PRELID2: variants seen among roughly 807,000 people sequenced by gnomAD.
PRELID2 encodes the protein PRELI domain containing 2.
In PRELID2, 25 loss-of-function variants were observed where a neutral mutation model predicts 28.4. The observed-to-expected ratio is 0.88, with a 90% CI of 0.64 to 1.23. The LOEUF (loss-of-function observed/expected upper bound fraction) is 1.23. Ranked by LOEUF, PRELID2 falls within the 50% of genes most tolerant of loss-of-function variation. The probability of loss-of-function intolerance (pLI) is 0.00; values close to 1 mark genes in which losing one functional copy is unlikely to be tolerated. For missense variants in PRELID2, 201 were observed against 214.4 expected, an observed-to-expected ratio of 0.94 and a Z score of 0.39; for synonymous variants, 76 against 71.6, an observed-to-expected ratio of 1.06 and a Z score of -0.31.
chr5:145,603,267 G>A (rs1192079447), intron 1 of PRELID2, among the ~76,000 whole-genome samples: 1 of 149,102 alleles, frequency 6.7e-6, no homozygotes. Flanking sequence ...AAAAAGAAAA[G>A]GACATAATTA....
chr5:145,733,655 C>A lies in PRELID2; in HGVS notation n.70+31276G>T, dbSNP rs1052826061. On this transcript the variant is annotated intron_variant and non_coding_transcript_variant, in intron 1 of 2. Coordinates refer to the PRELID2 transcript ENST00000510259. ...TAAAATTTTACACTTAGCCAGCCCA[C>A]ATCTAACTCAAAAGCAATCTTTTTT... 6.6e-5 allele frequency among the ~76,000 whole-genome samples: 10 copies of A among 152,328 alleles called. No individual in the cohort carries two copies. The South Asian group carries it at 2.1e-3, about 32-fold the overall frequency.
chr5:145,833,531 T>C (rs1213418790), intron 1 of PRELID2, among the ~76,000 whole-genome samples: 1 of 152,210 alleles, frequency 6.6e-6, no homozygotes, highest in Non-Finnish European at 1.5e-5. Context: ...TATTCATTGC[T>C]CAGGTTTTTA....
At chr5:145,776,254 T>C (rs1001793459) in intron 5 of PRELID2, among the ~76,000 whole-genome samples, 4 of 152,260 alleles carry the variant, frequency 2.6e-5, no homozygotes, top group African/African-American at 9.6e-5. Context: ...ATATCCACAC[T>C]GTAGACACTG....
At chr5:145,285,975 CAG>C in the PRELID2 span, among the ~76,000 whole-genome samples, 1 of 152,198 alleles carries the variant, frequency 6.6e-6, no homozygotes, top group Non-Finnish European at 1.5e-5. Context: ...TCTGAGCACA[CAG>C]ATTTCAAAAT....
the PRELID2 span, among the ~76,000 whole-genome samples, chr5:145,454,197 G>C: frequency 4.6e-5 from 7 of 152,148 alleles, no homozygotes; most frequent in African/African-American, 1.7e-4. Context: ...GTTTGGATTT[G>C]ATGCAGAAAA....
chr5:145,268,862 T>G, the PRELID2 span, among the ~76,000 whole-genome samples: 1 of 152,060 alleles, frequency 6.6e-6, no homozygotes, highest in Non-Finnish European at 1.5e-5. Flanking sequence ...AAAGTCATTA[T>G]AAAAATCAAT....
At chr5:145,245,575 T>C in the PRELID2 span, among the ~76,000 whole-genome samples, 1 of 151,980 alleles carries the variant, frequency 6.6e-6, no homozygotes, top group Admixed American at 6.6e-5. Context: ...AACTTAAGAG[T>C]GAGAAAAAGA....
chr5:145,393,374 G>C, the PRELID2 span, among the ~76,000 whole-genome samples: 2 of 152,250 alleles, frequency 1.3e-5, no homozygotes, highest in African/African-American at 4.8e-5. Flanking sequence ...GAACTGAGTA[G>C]CCTGGCTTTG....
the PRELID2 span, among the ~76,000 whole-genome samples, chr5:145,314,177 G>A: frequency 2.6e-5 from 4 of 152,202 alleles, no homozygotes; most frequent in Admixed American, 6.5e-5. Flanking sequence ...TTAGCCATGG[G>A]TATGGCTCCA....
At chr5:145,572,844 G>C (rs549953426) in intron 1 of PRELID2, among the ~76,000 whole-genome samples, 145 of 152,086 alleles carry the variant, frequency 9.5e-4, no homozygotes, top group Non-Finnish European at 1.8e-3. Context: ...CTTCACTGAG[G>C]CTGTCTGGAA....
chr5:145,555,484 G>C (rs1428170093), intron 1 of PRELID2, among the ~76,000 whole-genome samples: 1 of 152,176 alleles, frequency 6.6e-6, no homozygotes, highest in Non-Finnish European at 1.5e-5. Context: ...GCCTAAAGTA[G>C]TTTTACTACA....
At chr5:145,501,459 T>G (rs1383376691) in intron 1 of PRELID2, among the ~76,000 whole-genome samples, 3 of 152,140 alleles carry the variant, frequency 2.0e-5, no homozygotes, top group African/African-American at 7.2e-5. Context: ...TCTCATGTGT[T>G]GTGGGAGAGA....
chr5:145,398,844 A>C, the PRELID2 span, among the ~76,000 whole-genome samples: 1 of 152,138 alleles, frequency 6.6e-6, no homozygotes, highest in Admixed American at 6.6e-5. Flanking sequence ...TTTAGAAGGA[A>C]GGAAGGAAGT....
intron 1 of PRELID2, among the ~76,000 whole-genome samples, chr5:145,665,898 T>C (rs772318754): frequency 1.3e-5 from 2 of 150,836 alleles, no homozygotes; most frequent in Non-Finnish European, 2.9e-5. Flanking sequence ...TTTTATATCA[T>C]AGTCATATTA....
intron 1 of PRELID2, among the ~76,000 whole-genome samples, chr5:145,718,737 A>G (rs1755907150): frequency 6.6e-6 from 1 of 151,990 alleles, no homozygotes; most frequent in African/African-American, 2.4e-5. Context: ...TACTTGACAT[A>G]TGACAAAATG....
chr5:145,445,273 A>G, the PRELID2 span, among the ~76,000 whole-genome samples: 1 of 152,102 alleles, frequency 6.6e-6, no homozygotes, highest in Non-Finnish European at 1.5e-5. Flanking sequence ...AAGAACACTC[A>G]CTGGGTAAAG....
chr5:145,450,044 C>T, the PRELID2 span, among the ~76,000 whole-genome samples: 2 of 152,126 alleles, frequency 1.3e-5, no homozygotes, highest in East Asian at 1.9e-4. Flanking sequence ...CAGAATGTTC[C>T]CTGTCAGAAT....
At chr5:145,250,674 G>A in the PRELID2 span, among the ~76,000 whole-genome samples, 4 of 152,028 alleles carry the variant, frequency 2.6e-5, no homozygotes, top group Non-Finnish European at 5.9e-5. Flanking sequence ...CTTTTGAGAT[G>A]GAATACAAAC....
At chr5:145,511,996 T>C (rs1264450797) in intron 1 of PRELID2, among the ~76,000 whole-genome samples, 2 of 151,964 alleles carry the variant, frequency 1.3e-5, no homozygotes, top group Non-Finnish European at 2.9e-5. Flanking sequence ...TGGTAAAAAA[T>C]CATAAGGCAA....
Sources: allele counts gnomAD v4.1 joint callset (sites outside exome capture counted in the v4.1 genomes callset), GRCh38; gene constraint gnomAD v4.1.1; transcripts MANE v1.5; gene names NCBI Gene and HGNC (gene_info 2026-07-23, HGNC 2026-07-21).